Variants in ACYP2 observed in about 807,000 individuals in gnomAD.
ACYP2 encodes acylphosphatase-2.
A neutral mutation model predicts 11.2 loss-of-function variants in ACYP2; 12 were observed. The ratio of observed to expected loss-of-function variants is 1.08; its 90% CI spans 0.69 to 1.74. ACYP2 has a LOEUF of 1.74. ACYP2 is among the 40% of genes most tolerant of loss of function. The probability of loss-of-function intolerance (pLI) is 0.00; values close to 1 mark genes in which losing one functional copy is unlikely to be tolerated. For synonymous variants in ACYP2, 43 were observed against 32.2 expected, an observed-to-expected ratio of 1.33 and a Z score of -1.13; for missense variants, 134 against 101.9, an observed-to-expected ratio of 1.31 and a Z score of -1.35.
At chr2:54,290,339 C>T (rs1339970438) in intron 6 of ACYP2, among the ~76,000 whole-genome samples, 2 of 151,912 alleles carry the variant, frequency 1.3e-5, no homozygotes, top group Admixed American at 1.3e-4. Flanking sequence ...AGGTATCTAA[C>T]GAAGTCGGCC....
At chr2:54,225,401 TA>T (rs1165582441) in intron 6 of ACYP2, among the ~76,000 whole-genome samples, 1 of 152,236 alleles carries the variant, frequency 6.6e-6, no homozygotes, top group African/African-American at 2.4e-5. Context: ...AAGGGTGTTT[TA>T]AAATTTGGTT....
At chr2:54,292,193 C>G (rs976932035) in intron 6 of ACYP2, among the ~76,000 whole-genome samples, 2 of 151,838 alleles carry the variant, frequency 1.3e-5, no homozygotes, top group African/African-American at 2.4e-5. Flanking sequence ...CATAGCAAAA[C>G]AAATCTTTTT....
At chr2:54,269,296 T>A (rs1688176114) in intron 6 of ACYP2, among the ~76,000 whole-genome samples, 1 of 152,126 alleles carries the variant, frequency 6.6e-6, no homozygotes, top group Non-Finnish European at 1.5e-5. Context: ...TGAGAAACAG[T>A]AAACAAGATG....
intron 6 of ACYP2, among the ~76,000 whole-genome samples, chr2:54,202,481 C>A (rs1235403972): frequency 6.8e-6 from 1 of 147,462 alleles, no homozygotes; most frequent in African/African-American, 2.5e-5. Flanking sequence ...GATCTCACCT[C>A]GCTGCAACCT....
chr2:54,175,888 G>A (rs1218866997), intron 6 of ACYP2, among the ~76,000 whole-genome samples: 1 of 151,970 alleles, frequency 6.6e-6, no homozygotes, highest in African/African-American at 2.4e-5. Flanking sequence ...TTAGGGAGTG[G>A]GGCCTTTTGG....
At chr2:54,255,496 G>A in intron 6 of ACYP2, 1 of 1,614,022 alleles carries the variant, frequency 6.2e-7, no homozygotes, top group Non-Finnish European at 8.5e-7. Context: ...CGCCCTGTCA[G>A]CCTCTGCATT....
chr2:54,236,259 G>A (rs1686472793), intron 6 of ACYP2, among the ~76,000 whole-genome samples: 1 of 151,950 alleles, frequency 6.6e-6, no homozygotes, highest in African/African-American at 2.4e-5. Flanking sequence ...TTAGATTTAA[G>A]TTGTTCTTTT....
chr2:53,996,539 T>C (rs895089192), intron 2 of ACYP2, among the ~76,000 whole-genome samples: 3 of 152,158 alleles, frequency 2.0e-5, no homozygotes, highest in Non-Finnish European at 4.4e-5. Flanking sequence ...AGAGAAGTTT[T>C]GCAATGGGTA....
chr2:54,131,212 G>A (rs1283784968), intron 4 of ACYP2, among the ~76,000 whole-genome samples: 1 of 152,184 alleles, frequency 6.6e-6, no homozygotes, highest in South Asian at 2.1e-4. Context: ...GATTATGTTA[G>A]TGTGAATAAA....
chr2:54,151,056 T>A (rs1279532820), intron 6 of ACYP2, among the ~76,000 whole-genome samples: 4 of 152,196 alleles, frequency 2.6e-5, no homozygotes, highest in African/African-American at 9.7e-5. Context: ...TGTGTTTCTA[T>A]ACAGAGCTGA....
At chr2:54,262,906 G>A (rs767227002) in intron 6 of ACYP2, among the ~76,000 whole-genome samples, 18 of 152,112 alleles carry the variant, frequency 1.2e-4, no homozygotes, top group African/African-American at 3.4e-4. Context: ...TGAAGTAGGA[G>A]TAAGATTTAT....
chr2:54,040,501 T>C (rs750701126), intron 2 of ACYP2, among the ~76,000 whole-genome samples: 76 of 151,670 alleles, frequency 5.0e-4, no homozygotes, highest in Non-Finnish European at 4.0e-4. Context: ...TCAGTGAAGA[T>C]GGAAAGCAGA....
At chr2:54,027,683 G>T (rs938617979) in intron 2 of ACYP2, among the ~76,000 whole-genome samples, 29 of 151,934 alleles carry the variant, frequency 1.9e-4, no homozygotes, top group African/African-American at 6.8e-4. Context: ...TGGTATATTT[G>T]TTATAATTCA....
At chr2:54,299,344 A>G (rs1034007638) in intron 6 of ACYP2, among the ~76,000 whole-genome samples, 1 of 152,102 alleles carries the variant, frequency 6.6e-6, no homozygotes, top group Non-Finnish European at 1.5e-5. Flanking sequence ...CTGTAATCCC[A>G]GCACTTTGGG....
intron 6 of ACYP2, among the ~76,000 whole-genome samples, chr2:54,288,644 C>G (rs1352137493): frequency 6.6e-6 from 1 of 151,916 alleles, no homozygotes; most frequent in Non-Finnish European, 1.5e-5. Context: ...TGTTTGTTCC[C>G]CTAAACTTGA....
intron 6 of ACYP2, among the ~76,000 whole-genome samples, chr2:54,156,158 T>C (rs1285678763): frequency 6.6e-6 from 1 of 152,232 alleles, no homozygotes; most frequent in East Asian, 1.9e-4. Flanking sequence ...TAGGTCCATT[T>C]GGTCTAAAGT....
At chr2:54,184,340 C>G (rs575621480) in intron 6 of ACYP2, among the ~76,000 whole-genome samples, 1 of 152,212 alleles carries the variant, frequency 6.6e-6, no homozygotes, top group Admixed American at 6.5e-5. Flanking sequence ...GTGACAGAGG[C>G]ACTTACACAT....
At chr2:54,119,049 G>GTTTTT (rs1572796439) in intron 4 of ACYP2, among the ~76,000 whole-genome samples, 4 of 90,028 alleles carry the variant, frequency 4.4e-5, no homozygotes, top group African/African-American at 1.9e-4. Flanking sequence ...AATCTTAGTA[G>GTTTTT]TCTTTTTTTT....
At chr2:54,184,861 T>C (rs567128875) in intron 6 of ACYP2, among the ~76,000 whole-genome samples, 38 of 151,276 alleles carry the variant, frequency 2.5e-4, no homozygotes, top group African/African-American at 6.3e-4. Context: ...TTTTTTTTTT[T>C]TGGAGACAAG....
Sources: allele counts gnomAD v4.1 joint callset (sites outside exome capture counted in the v4.1 genomes callset), GRCh38; gene constraint gnomAD v4.1.1; transcripts MANE v1.5; gene names NCBI Gene and HGNC (gene_info 2026-07-23, HGNC 2026-07-21).